OR9Q1: variants seen among roughly 807,000 people sequenced by gnomAD.
OR9Q1 encodes olfactory receptor 9Q1.
For synonymous variants in OR9Q1, 153 were observed against 148.6 expected (o/e 1.03, Z -0.22); for missense variants, 374 against 378.8 (o/e 0.99, Z 0.11).
intron 2 of OR9Q1, among the ~76,000 whole-genome samples, chr11:58,060,431 T>C (rs1853369173): frequency 6.6e-6 from 1 of 152,148 alleles, no homozygotes; most frequent in African/African-American, 2.4e-5. Flanking sequence ...AACATAAAAA[T>C]CTTAGGTGAG....
chr11:58,055,361 T>C (rs571986805), intron 1 of OR9Q1, among the ~76,000 whole-genome samples: 1 of 152,324 alleles, frequency 6.6e-6, no homozygotes, highest in East Asian at 1.9e-4. Context: ...TGAGCCTAGT[T>C]TGAAGATCTT....
intron 2 of OR9Q1, chr11:58,118,986 C>G: frequency 3.1e-6 from 5 of 1,613,910 alleles, no homozygotes; most frequent in Non-Finnish European, 4.2e-6. Context: ...TGGCTCCTGA[C>G]ACCCCACAGA....
intron 1 of OR9Q1, among the ~76,000 whole-genome samples, chr11:58,039,661 A>C (rs896374958): frequency 1.3e-5 from 2 of 152,198 alleles, no homozygotes; most frequent in African/African-American, 4.8e-5. Context: ...CATTTACTCC[A>C]AGGCAAGCAG....
chr11:58,164,112 C>T (rs1294338723), intron 2 of OR9Q1, among the ~76,000 whole-genome samples: 2 of 152,148 alleles, frequency 1.3e-5, no homozygotes, highest in African/African-American at 2.4e-5. Context: ...CCGGAGCCTG[C>T]AGACAGAGGA....
chr11:58,061,132 G>C (rs144281228), intron 2 of OR9Q1, among the ~76,000 whole-genome samples: 8 of 152,056 alleles, frequency 5.3e-5, no homozygotes, highest in African/African-American at 1.7e-4. Context: ...TCCCCTACAG[G>C]CTCCTCAGGT....
chr11:58,116,429 A>C (rs1460832806), intron 2 of OR9Q1, among the ~76,000 whole-genome samples: 1 of 152,172 alleles, frequency 6.6e-6, no homozygotes, highest in Non-Finnish European at 1.5e-5. Context: ...AAGGATTGCC[A>C]AATTGTTTTA....
chr11:58,107,334 T>C (rs1334513644), intron 2 of OR9Q1, among the ~76,000 whole-genome samples: 5 of 152,200 alleles, frequency 3.3e-5, no homozygotes, highest in African/African-American at 1.2e-4. Flanking sequence ...TATTGTTCAA[T>C]TCCCAGTATG....
At chr11:58,039,430 A>G (rs1853138463) in intron 1 of OR9Q1, among the ~76,000 whole-genome samples, 1 of 152,218 alleles carries the variant, frequency 6.6e-6, no homozygotes, top group African/African-American at 2.4e-5. Flanking sequence ...TTGCCCAGAA[A>G]TGTGGTTGCC....
chr11:58,157,031 T>G (rs985825673), intron 2 of OR9Q1, among the ~76,000 whole-genome samples: 6 of 152,188 alleles, frequency 3.9e-5, no homozygotes, highest in Non-Finnish European at 8.8e-5. Context: ...CAGTTGGTCT[T>G]AGATCGAAGA....
intron 2 of OR9Q1, among the ~76,000 whole-genome samples, chr11:58,142,634 G>C (rs1408606998): frequency 6.6e-6 from 1 of 152,054 alleles, no homozygotes; most frequent in African/African-American, 2.4e-5. Context: ...TTCAAATTCA[G>C]TTTTTGTTTC....
intron 2 of OR9Q1, among the ~76,000 whole-genome samples, chr11:58,102,801 A>C (rs1382752480): frequency 6.6e-6 from 1 of 152,054 alleles, no homozygotes; most frequent in African/African-American, 2.4e-5. Context: ...GGATGTTCAT[A>C]TCTCTCTCAA....
chr11:58,059,687 C>CAAAAAAAAA (rs58893511), intron 2 of OR9Q1, among the ~76,000 whole-genome samples: 21 of 40,194 alleles, frequency 5.2e-4, no homozygotes, highest in East Asian at 1.4e-3. Context: ...GGCTCTGTCT[C>CAAAAAAAAA]AAAAAAAAAA....
intron 2 of OR9Q1, among the ~76,000 whole-genome samples, chr11:58,175,672 T>G (rs948207632): frequency 6.6e-6 from 1 of 151,936 alleles, no homozygotes; most frequent in African/African-American, 2.4e-5. Context: ...GCATTGTGGT[T>G]TTTTTTTGTT....
intron 2 of OR9Q1, among the ~76,000 whole-genome samples, chr11:58,059,632 G>A (rs368478343): frequency 1.6e-5 from 2 of 127,446 alleles, no homozygotes; most frequent in South Asian, 2.9e-4. Context: ...AGGTTGCAGT[G>A]AGTCAAGATT....
chr11:58,048,679 A>ATATATATATATAT lies in OR9Q1; in HGVS notation c.-92-7191_-92-7190insTATATATATATAT, dbSNP rs1554965247. On this transcript the variant is annotated intron_variant, in intron 1 of 2. Coordinates refer to ENST00000335397, the MANE Select transcript of OR9Q1 (RefSeq NM_001005212.4). ...GCAAGGACTCCATCTTAAAAAAAAAAATATATATATATATATTTTTTAGCA... is the reference window on the plus strand; with the variant it reads ...GCAAGGACTCCATCTTAAAAAAAAAATATATATATATATATATATATATATATATTTTTTAGCA... Among the ~76,000 whole-genome samples the ATATATATATATAT allele has an allele frequency of 1.3e-3, 174 of 131,362 alleles. No homozygotes were observed. The East Asian group carries it at 0.017, about 13-fold the overall frequency. 86.2% of individuals were successfully genotyped at this position (131,362 alleles called of 152,430 possible). A position where few individuals can be genotyped will look rare whatever the true frequency, so the allele number is the denominator to read the frequency against.
chr11:58,177,926 A>G (rs1445465691), intron 2 of OR9Q1, among the ~76,000 whole-genome samples: 1 of 152,162 alleles, frequency 6.6e-6, no homozygotes, highest in East Asian at 1.9e-4. Context: ...TTGAGGTTTG[A>G]AGGTAGGGTA....
intron 2 of OR9Q1, among the ~76,000 whole-genome samples, chr11:58,061,507 C>G (rs1853380113): frequency 6.6e-6 from 1 of 152,198 alleles, no homozygotes; most frequent in Admixed American, 6.5e-5. Context: ...ACAGATGACT[C>G]AATTTGTCAA....
Position 58,179,415 on chromosome 11 carries a change from A to G in OR9Q1, c.-14-16A>G, listed in dbSNP as rs781019154. On this transcript the variant is annotated splice_polypyrimidine_tract_variant and intron_variant, in intron 2 of 2. Transcript: ENST00000335397. ...TTTGCACCTTCCTAACTTGCTTCCC[A>G]TTCTACATGTCTCAGGGACCACTGG... The G allele has an allele frequency of 4.1e-6, 6 of 1,461,786 alleles. No homozygotes were observed. The highest frequency in any genetic ancestry group is 5.6e-6 in the Non-Finnish European group (6 of 1,079,502). The allele number at this position is 1,461,786 out of a possible 1,614,324, so 90.6% of individuals were successfully genotyped here.
At chr11:58,061,613 C>T (rs1853381043) in intron 2 of OR9Q1, among the ~76,000 whole-genome samples, 1 of 152,174 alleles carries the variant, frequency 6.6e-6, no homozygotes, top group Non-Finnish European at 1.5e-5. Flanking sequence ...CTTCCCAGCC[C>T]ACCTCTGTCC....
Sources: gnomAD v4.1 joint callset for allele counts (sites outside exome capture counted in the v4.1 genomes callset) on GRCh38, gnomAD v4.1.1 for gene constraint, MANE v1.5 for transcripts, NCBI Gene and HGNC (gene_info 2026-07-23, HGNC 2026-07-21) for gene names.